SHC4: variants seen among roughly 807,000 people sequenced by gnomAD.
SHC4 encodes SHC adaptor protein 4, also known as SHC-transforming protein 4.
Under a neutral mutation model 69.4 loss-of-function variants are expected in SHC4, and 41 were observed. The ratio of observed to expected loss-of-function variants is 0.59; its 90% CI spans 0.46 to 0.77. The LOEUF is 0.77. SHC4 is among the 30% of genes least tolerant of loss of function. The probability of loss-of-function intolerance (pLI) is 0.00; values close to 1 mark genes in which losing one functional copy is unlikely to be tolerated. For missense variants in SHC4, 777 were observed against 783.8 expected, an observed-to-expected ratio of 0.99 and a Z score of 0.10; for synonymous variants, 318 against 299.3, an observed-to-expected ratio of 1.06 and a Z score of -0.64.
chr15:48,928,420 A>C (rs11070664), intron 1 of SHC4, among the ~76,000 whole-genome samples: 87,687 of 151,786 alleles, frequency 0.58, 25,936 homozygotes, highest in East Asian at 0.74. Flanking sequence ...ACAGACATTT[A>C]TGTTCAGACA....
At chr15:48,881,154 A>G (rs1052681018) in intron 4 of SHC4, among the ~76,000 whole-genome samples, 1 of 151,896 alleles carries the variant, frequency 6.6e-6, no homozygotes, top group African/African-American at 2.4e-5. Context: ...ACATATTATA[A>G]ATGTTCGCTT....
At position 48,825,856 on chromosome 15, in the gene SHC4, G is replaced by T; in HGVS notation, c.*115C>A. On this transcript the variant is annotated 3_prime_UTR_variant, in exon 12 of 12. Transcript: ENST00000332408. ...ACCTGGTCCATGATGGTCTTGGAAA[G>T]ATGCACTTCACAGTTTGTGCTCTAT... 7.9e-7 allele frequency: 1 copy of T among 1,270,138 alleles called. No homozygotes were observed. Among genetic ancestry groups the T allele is most frequent in the Non-Finnish European group, 1.1e-6 (1 of 922,902 alleles). 78.7% of individuals were successfully genotyped at this position (1,270,138 alleles called of 1,614,324 possible).
At chr15:48,829,475 A>G (rs1328018825) in intron 11 of SHC4, among the ~76,000 whole-genome samples, 1 of 152,168 alleles carries the variant, frequency 6.6e-6, no homozygotes, top group Non-Finnish European at 1.5e-5. Flanking sequence ...TTATCATTAT[A>G]TCATGTCCTT....
intron 9 of SHC4, among the ~76,000 whole-genome samples, chr15:48,849,688 G>C (rs920879755): frequency 1.3e-5 from 2 of 152,192 alleles, no homozygotes; most frequent in African/African-American, 4.8e-5. Flanking sequence ...GTACGTTCCT[G>C]ACTATTAAAT....
At chr15:48,897,756 G>GACACACACACACACACAC (rs138796905) in intron 2 of SHC4, among the ~76,000 whole-genome samples, 9,187 of 138,770 alleles carry the variant, frequency 0.066, 425 homozygotes, top group African/African-American at 0.099. Flanking sequence ...CCCACCTTCT[G>GACACACACACACACACAC]ACACACACAC....
chr15:48,854,781 C>T (rs368624535), intron 8 of SHC4, among the ~76,000 whole-genome samples: 5 of 152,120 alleles, frequency 3.3e-5, no homozygotes, highest in African/African-American at 7.2e-5. Flanking sequence ...TACTCATAGA[C>T]GTAAAGATGG....
intron 5 of SHC4, 98 bp downstream of exon 5, chr15:48,871,990 TG>T: frequency 2.7e-6 from 2 of 731,162 alleles, no homozygotes; most frequent in Non-Finnish European, 4.7e-6. Flanking sequence ...GTGGCTAATA[TG>T]GTTTATGTAA....
chr15:48,844,989 A>G (rs1195267998), intron 9 of SHC4, among the ~76,000 whole-genome samples: 1 of 152,192 alleles, frequency 6.6e-6, no homozygotes, highest in Non-Finnish European at 1.5e-5. Context: ...TCCAAAGTCC[A>G]TATCATGACA....
chr15:48,946,156 A>G (rs1436678380), intron 1 of SHC4: 2 of 152,222 alleles, frequency 1.3e-5, no homozygotes, highest in African/African-American at 4.8e-5. Flanking sequence ...GTCTGTGGGC[A>G]TCTTATTCAG....
chr15:48,941,557 A>G (rs28608610), intron 1 of SHC4, among the ~76,000 whole-genome samples: 2,863 of 152,272 alleles, frequency 0.019, 80 homozygotes, highest in African/African-American at 0.066. Flanking sequence ...TAACAGGAGA[A>G]AAGAGAAATA....
Position 48,890,753 on chromosome 15 carries a change from G to A in SHC4, c.715C>T (p.Arg239Ter). 6.2e-7 allele frequency: 1 copy of A among 1,614,104 alleles called. No homozygotes were observed. Among genetic ancestry groups the A allele is most frequent in the Non-Finnish European group, 8.5e-7 (1 of 1,180,008 alleles). ...AAAACCACATCATCATTTACCTTTC[G>A]CTTTTTAATGGCTCCATTTGCCCCG... The part of the protein sequence containing the change: ...VPGANGAIKK[R>*]KPPVKFLSTV... The change falls in exon 3 of 12, where the codon CGA becomes TGA. Residue 239 changes from arginine to a stop codon, truncating the protein, a stop_gained. Coordinates refer to ENST00000332408, the MANE Select transcript of SHC4 (RefSeq NM_203349.4). LOFTEE classifies it high-confidence loss of function.
chr15:48,826,007 T>C lies in SHC4; in HGVS notation c.1857A>G (p.Lys619=), dbSNP rs1472906541. The change falls in exon 12 of 12, where the codon AAA becomes AAG. Residue 619 remains lysine, a synonymous_variant. Coordinates refer to ENST00000332408, the MANE Select transcript of SHC4 (RefSeq NM_203349.4). ...AATGCAAAAGTGCTGGATTATTATC[T>C]TTTCTCACTGGTTGTTTAAGGCTTA... ...SEVSLKQPVR[K]DNNPALLHSN... 1.2e-6 allele frequency: 2 copies of C among 1,613,968 alleles called. No homozygotes were observed. The highest frequency in any genetic ancestry group is 1.7e-4 in the Middle Eastern group (1 of 6,058).
chr15:48,879,049 T>C (rs1899889025), intron 4 of SHC4: 1 of 262,680 alleles, frequency 3.8e-6, no homozygotes, highest in African/African-American at 2.2e-5. Flanking sequence ...ATCTTTCATA[T>C]TTGTTTGCTG....
intron 2 of SHC4, among the ~76,000 whole-genome samples, chr15:48,893,474 G>T (rs746499903): frequency 6.6e-6 from 1 of 152,174 alleles, no homozygotes; most frequent in Non-Finnish European, 1.5e-5. Context: ...AGTGAGCATG[G>T]CTGTGTTCCA....
Position 48,962,668 on chromosome 15 carries a change from C to G in SHC4, c.348G>C (p.Arg116=), listed in dbSNP as rs774119935. 2 of 1,614,056 alleles carry G rather than the reference C, an allele frequency of 1.2e-6. No individual in the cohort carries two copies. The highest frequency in any genetic ancestry group is 2.2e-5 in the East Asian group (1 of 44,888). ...GGTCCCGGCTTTCCTGGAGCTTCAG[C>G]CGAGGCACCTCTTTGGTACCCAGGC... ...NFCLGTKEVP[R]LKLQESRDPG... Residue 116 remains arginine, a synonymous_variant, in exon 1 of 12, where the codon CGG becomes CGC. Transcript: ENST00000332408.
chr15:48,955,003 C>G (rs917004173), intron 1 of SHC4, among the ~76,000 whole-genome samples: 6 of 152,164 alleles, frequency 3.9e-5, no homozygotes, highest in African/African-American at 1.4e-4. Flanking sequence ...ATGGGAACAG[C>G]CTGTACTAAT....
chr15:48,923,052 A>C (rs1423892679), intron 2 of SHC4, among the ~76,000 whole-genome samples: 1 of 152,234 alleles, frequency 6.6e-6, no homozygotes, highest in Non-Finnish European at 1.5e-5. Flanking sequence ...GTAGGTACCA[A>C]GAGTACAAAA....
intron 8 of SHC4, among the ~76,000 whole-genome samples, chr15:48,852,122 T>A (rs962924476): frequency 6.6e-6 from 1 of 152,164 alleles, no homozygotes; most frequent in Non-Finnish European, 1.5e-5. Context: ...TTGATATAGA[T>A]AAGCAATGTA....
In SHC4 at chr15:48,939,929, C is replaced by T. The variant is rs574916070; in HGVS notation, c.586-14980G>A. Among the ~76,000 whole-genome samples the T allele has an allele frequency of 1.2e-4, 19 of 152,336 alleles. No homozygotes were observed. In the South Asian group the frequency reaches 3.9e-3, roughly 32 times the overall value. ...AGACAAAGCTAATCTAAAGACTAGG[C>T]CTGCCATTGGAAGCCCATCTGGTAT... On this transcript the variant is annotated intron_variant, in intron 1 of 11. Coordinates refer to ENST00000332408, the MANE Select transcript of SHC4 (RefSeq NM_203349.4).
Sources: gnomAD v4.1 joint callset for allele counts (sites outside exome capture counted in the v4.1 genomes callset) on GRCh38, gnomAD v4.1.1 for gene constraint, MANE v1.5 for transcripts, NCBI Gene and HGNC (gene_info 2026-07-23, HGNC 2026-07-21) for gene names.